The following MLLT10 variants were observed in gnomAD, a reference collection of about 807,000 sequenced individuals.
MLLT10 encodes protein AF-10.
MLLT10 carries 30 observed loss-of-function variants against 129.1 expected under a neutral mutation model. The ratio of observed to expected loss-of-function variants is 0.23; its 90% confidence interval spans 0.17 to 0.32. The LOEUF is 0.32. MLLT10 is among the 10% of genes least tolerant of loss of function. The pLI, the probability that MLLT10 is intolerant of heterozygous loss-of-function variation, is 1.00. For missense variants in MLLT10, 1,119 were observed against 1,268.3 expected, an observed-to-expected ratio of 0.88 and a Z score of 1.79; for synonymous variants, 490 against 446.4, an observed-to-expected ratio of 1.10 and a Z score of -1.23.
intron 14 of MLLT10, among the ~76,000 whole-genome samples, chr10:21,715,996 G>A (rs542514331): frequency 1.3e-5 from 2 of 152,212 alleles, no homozygotes; most frequent in Non-Finnish European, 2.9e-5. Context: ...ATCTGGTGCT[G>A]CTGTAGCAAC....
chr10:21,568,974 T>C (rs912114933), intron 3 of MLLT10, among the ~76,000 whole-genome samples: 1 of 152,224 alleles, frequency 6.6e-6, no homozygotes, highest in Non-Finnish European at 1.5e-5. Context: ...ATTCCAAATA[T>C]TGGGATTGTC....
intron 4 of MLLT10, among the ~76,000 whole-genome samples, chr10:21,592,077 GT>G (rs979044957): frequency 3.0e-4 from 45 of 151,714 alleles, no homozygotes; most frequent in Admixed American, 5.3e-4. Context: ...TCTTTTACCT[GT>G]TTTTTTTCCA....
chr10:21,669,194 A>AT, intron 9 of MLLT10: 1 of 768,886 alleles, frequency 1.3e-6, no homozygotes, highest in South Asian at 2.3e-5. Flanking sequence ...TGTTTTTATG[A>AT]AATATTTCTT....
At chr10:21,694,572 AT>A (rs1191172339) in intron 13 of MLLT10, among the ~76,000 whole-genome samples, 1 of 152,162 alleles carries the variant, frequency 6.6e-6, no homozygotes, top group African/African-American at 2.4e-5. Flanking sequence ...ATAATTTATT[AT>A]TCATGATTTA....
At chr10:21,562,420 C>T (rs1054888825) in intron 3 of MLLT10, among the ~76,000 whole-genome samples, 1 of 151,824 alleles carries the variant, frequency 6.6e-6, no homozygotes, top group Non-Finnish European at 1.5e-5. Context: ...TCACTGCAAC[C>T]TCTGCCTCCT....
chr10:21,739,138 G>A (rs1249420423), intron 21 of MLLT10, among the ~76,000 whole-genome samples: 1 of 152,074 alleles, frequency 6.6e-6, no homozygotes, highest in Non-Finnish European at 1.5e-5. Context: ...AAATCAGACT[G>A]TGCCACTTCT....
intron 14 of MLLT10, among the ~76,000 whole-genome samples, chr10:21,717,714 T>TC (rs2056785970): frequency 6.9e-5 from 5 of 72,088 alleles, no homozygotes; most frequent in Non-Finnish European, 7.9e-5. Flanking sequence ...CTCCTCCTCC[T>TC]CTTCCTCCTC....
chr10:21,561,583 G>A (rs187192951), intron 3 of MLLT10, among the ~76,000 whole-genome samples: 95 of 152,106 alleles, frequency 6.2e-4, no homozygotes, highest in African/African-American at 1.7e-3. Context: ...AAGTTTAGGT[G>A]TTTGATCCAT....
At position 21,726,332 on chromosome 10, in the gene MLLT10, C is replaced by G; in HGVS notation, c.1967C>G (p.Ala656Gly). ...AATTCATCAATGGCAGCTCTTATAG[C>G]TCAGTCTGAAAACAATCAAACAGGT... is the stretch of plus-strand genomic sequence containing the variant. Reference protein sequence around the residue: ...RSNSSMAALIAQSENNQTDQD... With the variant: ...RSNSSMAALIGQSENNQTDQD... The change falls in exon 15 of 23, where the codon GCT (alanine) becomes GGT (glycine). Residue 656 changes from alanine (A) to glycine (G), a missense_variant. Ala to Gly is a moderately conservative substitution (Grantham distance 60). Around this residue, in one of 5 missense-constraint regions of MLLT10, gnomAD observed 1,004 missense variants for 1,008.7 expected, o/e 1.00. Coordinates refer to ENST00000307729, the MANE Select transcript of MLLT10 (RefSeq NM_001195626.3). The G allele has an allele frequency of 6.2e-7, 1 of 1,611,610 alleles. No homozygotes were observed. The highest frequency in any genetic ancestry group is 8.5e-7 in the Non-Finnish European group (1 of 1,178,022).
chr10:21,692,677 G>C (rs1312594569), intron 13 of MLLT10, among the ~76,000 whole-genome samples: 1 of 150,762 alleles, frequency 6.6e-6, no homozygotes, highest in African/African-American at 2.4e-5. Context: ...GTAGAGATGA[G>C]ATCTTACTAA....
intron 13 of MLLT10, among the ~76,000 whole-genome samples, chr10:21,684,133 C>G (rs1480469549): frequency 1.3e-5 from 2 of 152,108 alleles, no homozygotes; most frequent in African/African-American, 4.8e-5. Context: ...ACCTCAGTCC[C>G]CTGAGTAGAT....
intron 9 of MLLT10, among the ~76,000 whole-genome samples, chr10:21,653,320 G>A (rs2049239953): frequency 6.6e-6 from 1 of 152,144 alleles, no homozygotes; most frequent in African/African-American, 2.4e-5. Flanking sequence ...GGCAAAATTT[G>A]GTTCCTTGTG....
intron 16 of MLLT10, among the ~76,000 whole-genome samples, chr10:21,728,831 C>T (rs930109024): frequency 6.6e-6 from 1 of 150,822 alleles, no homozygotes; most frequent in African/African-American, 2.4e-5. Flanking sequence ...AGTTCAAGAC[C>T]AGCCTGGGCA....
intron 9 of MLLT10, among the ~76,000 whole-genome samples, chr10:21,666,115 C>T (rs1462686656): frequency 6.6e-6 from 1 of 151,950 alleles, no homozygotes; most frequent in African/African-American, 2.4e-5. Context: ...TTTTATGATT[C>T]AGTTTTGCCT....
chr10:21,613,766 A>G (rs1259390757), intron 6 of MLLT10, among the ~76,000 whole-genome samples: 1 of 152,036 alleles, frequency 6.6e-6, no homozygotes, highest in Non-Finnish European at 1.5e-5. Flanking sequence ...TTAGCCGGGC[A>G]TGGTGAAGCA....
chr10:21,572,665 G>A (rs1235432514), intron 3 of MLLT10, among the ~76,000 whole-genome samples: 1 of 150,814 alleles, frequency 6.6e-6, no homozygotes, highest in Non-Finnish European at 1.5e-5. Context: ...CTGTTGCCTC[G>A]CTGGAGTGCA....
chr10:21,721,260 G>C (rs998634882), intron 14 of MLLT10, among the ~76,000 whole-genome samples: 9 of 152,080 alleles, frequency 5.9e-5, no homozygotes, highest in Non-Finnish European at 1.0e-4. Context: ...TGAAGTTTCA[G>C]ATCTATCTCT....
chr10:21,632,640 A>C (rs2047107185), intron 8 of MLLT10, among the ~76,000 whole-genome samples: 1 of 152,190 alleles, frequency 6.6e-6, no homozygotes, highest in East Asian at 1.9e-4. Flanking sequence ...AGTTTGTTTA[A>C]AGTTTTGTAT....
At chr10:21,695,061 CTTTTTTTTTT>C (rs71393922) in intron 13 of MLLT10, among the ~76,000 whole-genome samples, 2 of 104,034 alleles carry the variant, frequency 1.9e-5, no homozygotes. Context: ...TTTCTACCTT[CTTTTTTTTTT>C]TTTTTTTTTT....
Sources: allele counts gnomAD v4.1 joint callset (sites outside exome capture counted in the v4.1 genomes callset), GRCh38; gene constraint gnomAD v4.1.1; regional missense constraint gnomAD v4.1.1; transcripts MANE v1.5; gene names NCBI Gene and HGNC (gene_info 2026-07-23, HGNC 2026-07-21).